Variants in MAGI2 observed in about 807,000 individuals in gnomAD.
The protein encoded by MAGI2 is membrane associated guanylate kinase, WW and PDZ domain containing 2, also known as membrane-associated guanylate kinase, WW and PDZ domain-containing protein 2.
MAGI2 carries 35 observed loss-of-function variants against 133.3 expected under a neutral mutation model. The ratio of observed to expected loss-of-function variants is 0.26; its 90% CI spans 0.20 to 0.35. MAGI2 has a LOEUF of 0.35. MAGI2 is among the 10% of genes least tolerant of loss of function. MAGI2 has a pLI of 1.00. For synonymous variants in MAGI2, 729 were observed against 710.6 expected, an observed-to-expected ratio of 1.03 and a Z score of -0.41; for missense variants, 1,636 against 1,863.4, an observed-to-expected ratio of 0.88 and a Z score of 2.25.
chr7:78,652,522 A>G (rs922805344), intron 2 of MAGI2, among the ~76,000 whole-genome samples: 5 of 152,216 alleles, frequency 3.3e-5, no homozygotes, highest in Admixed American at 3.3e-4. Context: ...AGCAATGGGG[A>G]AAGGGTTTCC....
intron 1 of MAGI2, among the ~76,000 whole-genome samples, chr7:79,243,003 G>A (rs1474208555): frequency 6.6e-6 from 1 of 152,064 alleles, no homozygotes; most frequent in Non-Finnish European, 1.5e-5. Context: ...ATCACTTGAG[G>A]TGAGGAGTTC....
In MAGI2 at chr7:79,099,753, C is replaced by T. The variant is rs141442305; in HGVS notation, c.302-92547G>A. ...TTGCTTTCCTGTTCCCGTGTTAGTT[C>T]GCTTAGGATAATGGCCTCCAGCTCC... On this transcript the variant is annotated intron_variant, in intron 1 of 21. Transcript: ENST00000354212. Among the ~76,000 whole-genome samples, 9 of 152,194 alleles carry T rather than the reference C, an allele frequency of 5.9e-5. No homozygotes were observed. In the East Asian group the frequency reaches 1.4e-3, roughly 23 times the overall value.
intron 1 of MAGI2, among the ~76,000 whole-genome samples, chr7:79,219,640 A>T (rs1213163815): frequency 2.6e-5 from 4 of 152,074 alleles, no homozygotes; most frequent in African/African-American, 9.7e-5. Flanking sequence ...TCAGGGACAT[A>T]GAATGACAAA....
At chr7:78,598,528 G>C (rs1804854741) in intron 3 of MAGI2, among the ~76,000 whole-genome samples, 8 of 152,144 alleles carry the variant, frequency 5.3e-5, no homozygotes, top group Admixed American at 5.2e-4. Flanking sequence ...AAACTCTTAA[G>C]AACTTTGAAC....
intron 6 of MAGI2, among the ~76,000 whole-genome samples, chr7:78,462,683 A>G (rs921962594): frequency 6.6e-6 from 1 of 152,254 alleles, no homozygotes; most frequent in African/African-American, 2.4e-5. Flanking sequence ...ATCAGTTTGC[A>G]TATTAAATGA....
chr7:78,806,519 A>G (rs1410404964), intron 2 of MAGI2, among the ~76,000 whole-genome samples: 3 of 152,046 alleles, frequency 2.0e-5, no homozygotes, highest in Non-Finnish European at 2.9e-5. Flanking sequence ...ATATTATACA[A>G]TGTTTATATT....
chr7:79,040,650 T>C (rs2116901052), intron 1 of MAGI2, among the ~76,000 whole-genome samples: 1 of 152,120 alleles, frequency 6.6e-6, no homozygotes, highest in East Asian at 1.9e-4. Flanking sequence ...ACCATGGGGG[T>C]GGTTTTCCTC....
chr7:79,222,637 T>C (rs922227678), intron 1 of MAGI2, among the ~76,000 whole-genome samples: 10 of 152,160 alleles, frequency 6.6e-5, no homozygotes, highest in African/African-American at 2.4e-4. Flanking sequence ...AACATCTATT[T>C]AATGGCCCAT....
At chr7:79,420,328 T>C (rs1846862543) in intron 1 of MAGI2, among the ~76,000 whole-genome samples, 1 of 151,934 alleles carries the variant, frequency 6.6e-6, no homozygotes, top group African/African-American at 2.4e-5. Context: ...ATATAACACA[T>C]GACATTAAAA....
At chr7:78,400,883 T>C (rs1796793994) in intron 6 of MAGI2, among the ~76,000 whole-genome samples, 2 of 152,190 alleles carry the variant, frequency 1.3e-5, no homozygotes, top group African/African-American at 4.8e-5. Flanking sequence ...GACATCCTGC[T>C]GCTTAATATG....
chr7:78,627,600 C>T (rs1808508616), intron 2 of MAGI2, among the ~76,000 whole-genome samples: 1 of 152,112 alleles, frequency 6.6e-6, no homozygotes, highest in South Asian at 2.1e-4. Flanking sequence ...ATGAATGAAC[C>T]TCTATTGTCC....
In MAGI2 at chr7:78,104,706, C is replaced by G. The variant is rs116132317; in HGVS notation, c.3567+20988G>C. Among the ~76,000 whole-genome samples, 1,237 of 152,212 alleles carry G rather than the reference C, an allele frequency of 8.1e-3. 12 individuals carry two copies. Among genetic ancestry groups the G allele is most frequent in the African/African-American group, 0.027 (1,109 of 41,532 alleles). On this transcript the variant is annotated intron_variant, in intron 20 of 21. Transcript: ENST00000354212. ...GAAGCTCCTCTCTGTCCATTTCTAT[C>G]CTTAAAACCCTCCTCATGTTTCAAG...
intron 1 of MAGI2, among the ~76,000 whole-genome samples, chr7:79,217,974 ATATTAGGC>A (rs1284328834): frequency 6.6e-6 from 1 of 151,972 alleles, no homozygotes; most frequent in African/African-American, 2.4e-5. Flanking sequence ...ACATGCACGA[ATATTAGGC>A]TTTTGATTTG....
At chr7:78,622,797 G>A (rs1321599450) in intron 3 of MAGI2, among the ~76,000 whole-genome samples, 4 of 151,968 alleles carry the variant, frequency 2.6e-5, no homozygotes, top group African/African-American at 9.7e-5. Flanking sequence ...TATGTGACTT[G>A]AGAAAAGAGA....
At chr7:79,353,443 AT>A in intron 1 of MAGI2, 3 of 455,902 alleles carry the variant, frequency 6.6e-6, no homozygotes, top group South Asian at 4.7e-5. Flanking sequence ...CCCAAGATAC[AT>A]TTTGGAACCC....
chr7:78,814,578 T>C (rs1789394163), intron 2 of MAGI2, among the ~76,000 whole-genome samples: 1 of 152,242 alleles, frequency 6.6e-6, no homozygotes, highest in Non-Finnish European at 1.5e-5. Flanking sequence ...TTATTCTTAT[T>C]TTTTGATACA....
At chr7:78,400,895 T>A (rs1283116908) in intron 6 of MAGI2, among the ~76,000 whole-genome samples, 1 of 152,154 alleles carries the variant, frequency 6.6e-6, no homozygotes, top group African/African-American at 2.4e-5. Context: ...CTTAATATGA[T>A]GTCAGTCAGT....
chr7:78,989,150 A>G (rs1342213368), intron 2 of MAGI2, among the ~76,000 whole-genome samples: 2 of 152,068 alleles, frequency 1.3e-5, no homozygotes, highest in East Asian at 1.9e-4. Flanking sequence ...AATTACATCA[A>G]TGCTAATTAC....
chr7:78,792,473 C>T (rs1337143426), intron 2 of MAGI2, among the ~76,000 whole-genome samples: 1 of 152,158 alleles, frequency 6.6e-6, no homozygotes, highest in Admixed American at 6.5e-5. Flanking sequence ...GGCAAGGAAC[C>T]TCAGGCTGGA....
Sources: gnomAD v4.1 joint callset for allele counts (sites outside exome capture counted in the v4.1 genomes callset) on GRCh38, gnomAD v4.1.1 for gene constraint, MANE v1.5 for transcripts, NCBI Gene and HGNC (gene_info 2026-07-23, HGNC 2026-07-21) for gene names.